The following LPP variants were observed in gnomAD, a reference collection of about 807,000 sequenced individuals.
LPP encodes LIM domain containing preferred translocation partner in lipoma.
A neutral mutation model predicts 60.4 loss-of-function variants in LPP; 38 were observed. The observed-to-expected ratio is 0.63, with a 90% confidence interval of 0.49 to 0.83. The LOEUF is 0.83. Ranked by LOEUF, LPP falls within the 40% of genes least tolerant of loss-of-function variation. The pLI is 0.00. For missense variants in LPP, 902 were observed against 783.6 expected (o/e 1.15, Z -1.80); for synonymous variants, 328 against 290.8 (o/e 1.13, Z -1.30).
intron 7 of LPP, among the ~76,000 whole-genome samples, chr3:188,678,731 G>C (rs1858711956): frequency 6.6e-6 from 1 of 152,156 alleles, no homozygotes. Flanking sequence ...TGTGATGAGG[G>C]ATATGTAGAT....
At chr3:188,679,562 T>TGTGCGC (rs539053363) in intron 7 of LPP, among the ~76,000 whole-genome samples, 11 of 124,048 alleles carry the variant, frequency 8.9e-5, no homozygotes, top group African/African-American at 2.1e-4. Context: ...TGTGTGTGTG[T>TGTGCGC]GCGCGCGCGC....
chr3:188,465,980 A>C (rs4011882), intron 4 of LPP, among the ~76,000 whole-genome samples: 28,960 of 152,104 alleles, frequency 0.19, 3,364 homozygotes, highest in Middle Eastern at 0.36. Flanking sequence ...CATTAAGTCA[A>C]AGGGGATAGG....
chr3:188,312,702 C>T (rs950121460), intron 2 of LPP: 14 of 151,964 alleles, frequency 9.2e-5, no homozygotes, highest in Non-Finnish European at 1.8e-4. Flanking sequence ...TTGAGGAGTC[C>T]ATCTCTTTCA....
chr3:188,694,895 G>A (rs1862921566), intron 7 of LPP, among the ~76,000 whole-genome samples: 1 of 152,178 alleles, frequency 6.6e-6, no homozygotes, highest in Admixed American at 6.5e-5. Flanking sequence ...TGTAATGTAT[G>A]TGAAATTCCA....
rs944970086 is a variant in LPP, at chr3:188,876,258, T to A, written c.*1779T>A. ...TATTTTACTTGAATAGGAATGATCA[T>A]AAAAGTGATTCTTTTTTTGTGACTA... On this transcript the variant is annotated 3_prime_UTR_variant, in exon 12 of 12. Coordinates refer to ENST00000617246, the MANE Select transcript of LPP (RefSeq NM_001375462.1). The A allele has an allele frequency of 1.6e-5, 3 of 188,358 alleles. No homozygotes were observed. Among genetic ancestry groups the A allele is most frequent in the South Asian group, 1.9e-4 (1 of 5,140 alleles). 11.7% of individuals were successfully genotyped at this position (188,358 alleles called of 1,614,324 possible). A position where few individuals can be genotyped will look rare whatever the true frequency, so the allele number is the denominator to read the frequency against.
At chr3:188,750,436 G>T (rs1727697037) in intron 8 of LPP, among the ~76,000 whole-genome samples, 1 of 152,112 alleles carries the variant, frequency 6.6e-6, no homozygotes, top group Admixed American at 6.6e-5. Flanking sequence ...TTTGAGACTA[G>T]CCTGGCCAAC....
At chr3:188,706,730 G>A (rs1865552592) in intron 7 of LPP, among the ~76,000 whole-genome samples, 1 of 152,160 alleles carries the variant, frequency 6.6e-6, no homozygotes, top group African/African-American at 2.4e-5. Flanking sequence ...ATAGGAGAAT[G>A]AATATGTAGC....
At chr3:188,204,454 G>C (rs867124785) in intron 1 of LPP, among the ~76,000 whole-genome samples, 4 of 152,118 alleles carry the variant, frequency 2.6e-5, no homozygotes, top group Non-Finnish European at 4.4e-5. Flanking sequence ...TTGGAGTAGC[G>C]GGGGGTGATT....
At chr3:188,478,798 T>C (rs557619403) in intron 4 of LPP, among the ~76,000 whole-genome samples, 2 of 152,278 alleles carry the variant, frequency 1.3e-5, no homozygotes, top group Non-Finnish European at 2.9e-5. Flanking sequence ...CTCTGTCGCC[T>C]AGGCTGGAGT....
chr3:188,827,944 G>A (rs1008817448), intron 9 of LPP, among the ~76,000 whole-genome samples: 11 of 152,020 alleles, frequency 7.2e-5, no homozygotes, highest in African/African-American at 2.7e-4. Context: ...ACCTTTGTAT[G>A]GTACATCTCA....
chr3:188,438,194 T>G (rs372484777), intron 4 of LPP, among the ~76,000 whole-genome samples: 1 of 152,098 alleles, frequency 6.6e-6, no homozygotes, highest in South Asian at 2.1e-4. Flanking sequence ...AACAGACAGG[T>G]TGGTTAGAAT....
chr3:188,250,300 C>G (rs1361068537), intron 2 of LPP, among the ~76,000 whole-genome samples: 1 of 152,148 alleles, frequency 6.6e-6, no homozygotes, highest in Non-Finnish European at 1.5e-5. Context: ...GTATTAGTCA[C>G]TGGTTTCTTC....
chr3:188,513,466 G>C (rs1224820131), intron 5 of LPP, among the ~76,000 whole-genome samples: 2 of 151,816 alleles, frequency 1.3e-5, no homozygotes, highest in Admixed American at 1.3e-4. Context: ...CTTAAAAAGG[G>C]GGTGCCAAAT....
At chr3:188,786,411 A>T (rs1741939374) in intron 9 of LPP, among the ~76,000 whole-genome samples, 1 of 142,510 alleles carries the variant, frequency 7.0e-6, no homozygotes, top group African/African-American at 2.6e-5. Flanking sequence ...AAAAAAAAAA[A>T]CCAACCATCA....
chr3:188,678,744 A>G (rs1858715646), intron 7 of LPP, among the ~76,000 whole-genome samples: 1 of 152,214 alleles, frequency 6.6e-6, no homozygotes, highest in South Asian at 2.1e-4. Flanking sequence ...ATGTAGATGA[A>G]TAAGACCTAG....
In LPP at chr3:188,609,749, C is replaced by A. The variant is rs746676593; in HGVS notation, c.1018C>A (p.Gln340Lys). 32 of 1,614,112 alleles carry A rather than the reference C, an allele frequency of 2.0e-5. No homozygotes were observed. The highest frequency in any genetic ancestry group is 2.5e-5 in the Non-Finnish European group (30 of 1,180,024). The change falls in exon 7 of 12, where the codon CAG becomes AAG. Residue 340 changes from glutamine to lysine, a missense_variant. Coordinates refer to ENST00000617246, the MANE Select transcript of LPP (RefSeq NM_001375462.1). The surrounding 1 kb of genome is among the most constrained non-coding windows in gnomAD (Gnocchi z 6.9). ...GTACACTCCTCCTGGAGCAGGGAAC[C>A]AGAACCCTCCTGGGATGTATCCAGT... ...PGYTPPGAGN[Q>K]NPPGMYPVTG...
chr3:188,828,896 G>A (rs1262900712), intron 9 of LPP, among the ~76,000 whole-genome samples: 1 of 152,086 alleles, frequency 6.6e-6, no homozygotes, highest in Non-Finnish European at 1.5e-5. Flanking sequence ...AATATATAGT[G>A]TGAATATATG....
At chr3:188,428,406 G>C (rs893271065) in intron 4 of LPP, among the ~76,000 whole-genome samples, 1 of 151,956 alleles carries the variant, frequency 6.6e-6, no homozygotes, top group Non-Finnish European at 1.5e-5. Flanking sequence ...TTTGGGACTT[G>C]GAATCTACAA....
At chr3:188,406,452 G>A (rs1378734860) in intron 4 of LPP, 139 bp downstream of exon 4, 1 of 769,852 alleles carries the variant, frequency 1.3e-6, no homozygotes, top group Non-Finnish European at 2.1e-6. Flanking sequence ...AAAAGTAAAG[G>A]AGCCCCCGGA....
Sources: gnomAD v4.1 joint callset for allele counts (sites outside exome capture counted in the v4.1 genomes callset) on GRCh38, gnomAD v4.1.1 for gene constraint, Gnocchi (gnomAD v3.1) non-coding constraint, MANE v1.5 for transcripts, NCBI Gene and HGNC (gene_info 2026-07-23, HGNC 2026-07-21) for gene names.